DGCR2: variants seen among roughly 807,000 people sequenced by gnomAD.
DGCR2 encodes the protein DiGeorge syndrome critical region gene 2.
DGCR2 carries 24 observed loss-of-function variants against 51.6 expected under a neutral mutation model. The ratio of observed to expected loss-of-function variants is 0.47; its 90% CI spans 0.34 to 0.65. The LOEUF (loss-of-function observed/expected upper bound fraction) is 0.65, where lower values mean the gene tolerates loss of function less well. Ranked by LOEUF, DGCR2 falls within the 30% of genes least tolerant of loss-of-function variation. The pLI is 0.01. For missense variants in DGCR2, 765 were observed against 772.1 expected (o/e 0.99, Z 0.11); for synonymous variants, 340 against 315.4 (o/e 1.08, Z -0.82).
intron 2 of DGCR2, among the ~76,000 whole-genome samples, chr22:19,078,161 G>A (rs1383340045): frequency 6.6e-6 from 1 of 152,126 alleles, no homozygotes; most frequent in African/African-American, 2.4e-5. Context: ...TTTTGTAGTT[G>A]TCAGTGTTTT....
chr22:19,056,342 G>A (rs2082602057), intron 6 of DGCR2: 6 of 242,916 alleles, frequency 2.5e-5, no homozygotes, highest in South Asian at 1.8e-4. Flanking sequence ...GAGGACCACC[G>A]TCAACAAGAA....
chr22:19,097,713 G>A (rs1243518985), intron 1 of DGCR2, among the ~76,000 whole-genome samples: 1 of 152,146 alleles, frequency 6.6e-6, no homozygotes, highest in Non-Finnish European at 1.5e-5. Context: ...AGGCTCCAAA[G>A]GCCCAAACAG....
chr22:19,091,663 G>A (rs1485839301), intron 1 of DGCR2, among the ~76,000 whole-genome samples: 1 of 152,120 alleles, frequency 6.6e-6, no homozygotes, highest in African/African-American at 2.4e-5. Flanking sequence ...TGTAATCCCA[G>A]CATTCTGGGA....
chr22:19,086,098 G>A (rs553162348), intron 2 of DGCR2, among the ~76,000 whole-genome samples: 1 of 152,154 alleles, frequency 6.6e-6, no homozygotes, highest in African/African-American at 2.4e-5. Context: ...ATTAATTCAA[G>A]GAAGTAAGAA....
intron 3 of DGCR2, among the ~76,000 whole-genome samples, chr22:19,067,841 C>T (rs188329841): frequency 8.5e-5 from 13 of 152,320 alleles, no homozygotes; most frequent in Non-Finnish European, 1.6e-4. Flanking sequence ...TGCCTTCTGG[C>T]CCTGAAAAGC....
chr22:19,059,157 T>A (rs992065503), intron 5 of DGCR2, among the ~76,000 whole-genome samples: 2 of 152,096 alleles, frequency 1.3e-5, no homozygotes, highest in Non-Finnish European at 2.9e-5. Flanking sequence ...CTGGCCTTGA[T>A]GGAACTGTGA....
Position 19,039,094 on chromosome 22 carries a change from A to C in DGCR2, c.1424T>G (p.Val475Gly). The C allele has an allele frequency of 6.2e-7, 1 of 1,613,118 alleles. No homozygotes were observed. Among genetic ancestry groups the C allele is most frequent in the Non-Finnish European group, 8.5e-7 (1 of 1,179,976 alleles). The change falls in exon 10 of 10, where the codon GTC becomes GGC. Residue 475 changes from valine to glycine, a missense_variant. Transcript: ENST00000263196. ...ACCATCCCCAGGGGCTGGCAGGCTG[A>C]CCTCCACAGGCTCAAAAGCATCATC... ...ADDDAFEPVE[V>G]SLPAPGDGGS... is the part of the protein sequence containing the mutation.
chr22:19,101,883 C>T (rs571344336), intron 1 of DGCR2, among the ~76,000 whole-genome samples: 110 of 151,864 alleles, frequency 7.2e-4, no homozygotes, highest in African/African-American at 2.6e-3. Context: ...AGTGAAACTC[C>T]GTGTCTACTA....
At chr22:19,088,780 T>C (rs555701168) in intron 2 of DGCR2, among the ~76,000 whole-genome samples, 11 of 152,254 alleles carry the variant, frequency 7.2e-5, no homozygotes, top group South Asian at 2.1e-4. Context: ...CCAGTGAACA[T>C]TGTTATTCAT....
At position 19,057,922 on chromosome 22, in the gene DGCR2, C is replaced by T. The variant is rs2082621083; in HGVS notation, c.626-760G>A. 6.6e-6 allele frequency among the ~76,000 whole-genome samples: 1 copy of T among 152,186 alleles called. No homozygotes were observed. Among genetic ancestry groups the T allele is most frequent in the African/African-American group, 2.4e-5 (1 of 41,462 alleles). On this transcript the variant is annotated intron_variant, in intron 5 of 9. Coordinates refer to ENST00000263196, the MANE Select transcript of DGCR2 (RefSeq NM_005137.3). This position sits in a 1 kb window ranked among gnomAD's most constrained non-coding sequence, Gnocchi z 5.1. Reference sequence around the variant, plus strand: ...CCAGCCCTAGGCCCCACTCTCTCCCCTGCACGGCCCTTCCAGTCTGGGCTG... The same window carrying T: ...CCAGCCCTAGGCCCCACTCTCTCCCTTGCACGGCCCTTCCAGTCTGGGCTG...
At chr22:19,083,212 C>T (rs1469500155) in intron 2 of DGCR2, among the ~76,000 whole-genome samples, 1 of 152,224 alleles carries the variant, frequency 6.6e-6, no homozygotes, top group Admixed American at 6.5e-5. Flanking sequence ...CTGCATCCTT[C>T]TCCGACTGTC....
At chr22:19,092,783 A>G (rs1342786083) in intron 1 of DGCR2, among the ~76,000 whole-genome samples, 1 of 152,242 alleles carries the variant, frequency 6.6e-6, no homozygotes, top group East Asian at 1.9e-4. Context: ...AAAAATTTTC[A>G]ACATTGCTGA....
intron 1 of DGCR2, among the ~76,000 whole-genome samples, chr22:19,112,097 A>AC (rs1240178108): frequency 5.3e-5 from 8 of 151,882 alleles, no homozygotes; most frequent in Non-Finnish European, 1.0e-4. Flanking sequence ...TCATGGCGAA[A>AC]CCCCATCTCC....
chr22:19,037,276 G>A lies in DGCR2; in HGVS notation c.*1589C>T, dbSNP rs1483336039. 6.6e-6 allele frequency: 1 copy of A among 152,288 alleles called. No homozygotes were observed. Among genetic ancestry groups the A allele is most frequent in the African/African-American group, 2.4e-5 (1 of 41,436 alleles). The allele number at this position is 152,288 out of a possible 1,614,324, so 9.4% of individuals were successfully genotyped here. A position where few individuals can be genotyped will look rare whatever the true frequency, so the allele number is the denominator to read the frequency against. On this transcript the variant is annotated 3_prime_UTR_variant, in exon 10 of 10. Transcript: ENST00000263196. ...TTCAGTAACAAAACTCACAGCTCTGGACAGTTCTGGCACAAAGGTCAAGTC... is the reference window on the plus strand; with the variant it reads ...TTCAGTAACAAAACTCACAGCTCTGAACAGTTCTGGCACAAAGGTCAAGTC...
At chr22:19,056,321 A>G (rs1569046421) in intron 6 of DGCR2, 9 of 223,308 alleles carry the variant, frequency 4.0e-5, no homozygotes. Flanking sequence ...TCCCAAAAAA[A>G]AAAAGAAAAA....
At chr22:19,052,674 G>A (rs1457820915) in intron 6 of DGCR2, among the ~76,000 whole-genome samples, 2 of 151,758 alleles carry the variant, frequency 1.3e-5, no homozygotes, top group African/African-American at 2.4e-5. Flanking sequence ...CCAGTTACTC[G>A]GGAGGCTGAG....
At chr22:19,089,544 C>T (rs962066021) in intron 1 of DGCR2, 54 bp from the exon 2 acceptor site, 9 of 1,454,554 alleles carry the variant, frequency 6.2e-6, no homozygotes, top group East Asian at 2.6e-5. Flanking sequence ...GGCCAGCAAA[C>T]CATAGCCCAT....
At chr22:19,092,734 G>A (rs1258999846) in intron 1 of DGCR2, among the ~76,000 whole-genome samples, 1 of 152,076 alleles carries the variant, frequency 6.6e-6, no homozygotes, top group African/African-American at 2.4e-5. Context: ...GAAATACTTA[G>A]GTATAAATCT....
intron 7 of DGCR2, chr22:19,047,344 C>T (rs1385397478): frequency 6.6e-6 from 1 of 152,234 alleles, no homozygotes; most frequent in African/African-American, 2.4e-5. Context: ...CAACATTCCA[C>T]TCAGGGGCAG....
Sources: gnomAD v4.1 joint callset for allele counts (sites outside exome capture counted in the v4.1 genomes callset) on GRCh38, gnomAD v4.1.1 for gene constraint, Gnocchi (gnomAD v3.1) non-coding constraint, MANE v1.5 for transcripts, NCBI Gene and HGNC (gene_info 2026-07-23, HGNC 2026-07-21) for gene names.